Variants in CSF2RA observed in about 807,000 individuals in gnomAD.
CSF2RA encodes the protein granulocyte-macrophage colony-stimulating factor receptor subunit alpha.
CSF2RA carries 42 observed loss-of-function variants against 51.6 expected under a neutral mutation model. The observed-to-expected ratio is 0.81, with a 90% CI of 0.64 to 1.05. The LOEUF (loss-of-function observed/expected upper bound fraction) is 1.05. Among genes scored for constraint, CSF2RA ranks in the 50% least tolerant of loss-of-function variants. CSF2RA has a pLI of 0.00. For missense variants in CSF2RA, 530 were observed against 501.1 expected, an observed-to-expected ratio of 1.06 and a Z score of -0.55; for synonymous variants, 222 against 193.0, an observed-to-expected ratio of 1.15 and a Z score of -1.24.
In CSF2RA at chrX:1,303,848, A is replaced by G. The variant is rs1313260856; in HGVS notation, c.947-75A>G. 4 of 1,247,080 alleles carry G rather than the reference A, an allele frequency of 3.2e-6. No homozygotes were observed. The African/African-American group carries it at 5.9e-5, about 18-fold the overall frequency. 77.3% of individuals were successfully genotyped at this position (1,247,080 alleles called of 1,614,324 possible). A position where few individuals can be genotyped will look rare whatever the true frequency, so the allele number is the denominator to read the frequency against. On this transcript the variant is annotated intron_variant, in intron 10 of 12. Coordinates refer to ENST00000381529, the MANE Select transcript of CSF2RA (RefSeq NM_172245.4). ...TCCCTTTGGCTAAATGCATTTGGAC[A>G]CCCGAAGAGATTTAATTTCCTTTCA...
chrX:1,288,870 T>G lies in CSF2RA; in HGVS notation c.455T>G (p.Leu152Trp), dbSNP rs765269606. ...PTAPRDVQYF[L>W]YIRNSKRRRE... Reference sequence around the variant, plus strand: ...GCCCCCCGTGACGTCCAGTATTTTTTGTACATACGAAACTCAAAGTAAGTG... The same window carrying G: ...GCCCCCCGTGACGTCCAGTATTTTTGGTACATACGAAACTCAAAGTAAGTG... The change falls in exon 6 of 13, where the codon TTG (leucine) becomes TGG (tryptophan). Residue 152 changes from leucine to tryptophan, a missense_variant. Transcript: ENST00000381529. 1 of 1,611,550 alleles carries G rather than the reference T, an allele frequency of 6.2e-7. No individual in the cohort carries two copies. Among genetic ancestry groups the G allele is most frequent in the Non-Finnish European group, 8.5e-7 (1 of 1,179,090 alleles).
the CSF2RA span, among the ~76,000 whole-genome samples, chrX:1,316,045 CAGAT>C: frequency 0.089 from 5,186 of 58,162 alleles, 315 homozygotes; most frequent in African/African-American, 0.22. Context: ...GACCAATAGA[CAGAT>C]AGATAGATCA....
chrX:1,297,787 A>C (rs868616917), intron 9 of CSF2RA, among the ~76,000 whole-genome samples: 1 of 87,602 alleles, frequency 1.1e-5, no homozygotes, highest in Non-Finnish European at 2.3e-5. Flanking sequence ...CCCCGGTGGA[A>C]CCCTACAGTC....
chrX:1,313,530 C>T (rs1320094150), downstream of CSF2RA, among the ~76,000 whole-genome samples: 1 of 137,514 alleles, frequency 7.3e-6, no homozygotes, highest in Non-Finnish European at 1.5e-5. Flanking sequence ...GCCAACATGG[C>T]AAAATCTCGT....
chrX:1,287,045 C>A (rs1434738082), intron 4 of CSF2RA: 1 of 151,554 alleles, frequency 6.6e-6, no homozygotes, highest in Non-Finnish European at 1.5e-5. Context: ...GATTTATTGA[C>A]TGATAGGTGA....
intron 3 of CSF2RA, among the ~76,000 whole-genome samples, chrX:1,284,622 T>C (rs2090426713): frequency 6.8e-6 from 1 of 147,180 alleles, no homozygotes; most frequent in Admixed American, 6.9e-5. Context: ...TTAAATTTTA[T>C]AGACGAGATC....
chrX:1,316,311 C>T, the CSF2RA span, among the ~76,000 whole-genome samples: 4 of 150,658 alleles, frequency 2.7e-5, no homozygotes, highest in East Asian at 2.0e-4. Flanking sequence ...GATAGACAGA[C>T]AGACAGACAG....
the CSF2RA span, among the ~76,000 whole-genome samples, chrX:1,324,759 C>T: frequency 1.3e-5 from 2 of 152,186 alleles, no homozygotes; most frequent in East Asian, 1.9e-4. Flanking sequence ...GTCGGGACCA[C>T]GCAAGATGTG....
intron 7 of CSF2RA, among the ~76,000 whole-genome samples, chrX:1,291,173 C>T (rs1282113379): frequency 6.6e-6 from 1 of 152,128 alleles, no homozygotes; most frequent in African/African-American, 2.4e-5. Context: ...CCACCTGCCT[C>T]AGCCTCCCAA....
chrX:1,285,216 A>C (rs1425316451), intron 3 of CSF2RA, among the ~76,000 whole-genome samples: 1 of 152,020 alleles, frequency 6.6e-6, no homozygotes, highest in Non-Finnish European at 1.5e-5. Flanking sequence ...ATGATTTTTG[A>C]ATATTTCTGC....
At chrX:1,274,998 C>A (rs2088977262) in intron 2 of CSF2RA, among the ~76,000 whole-genome samples, 180 bp downstream of exon 2, 2 of 151,564 alleles carry the variant, frequency 1.3e-5, no homozygotes, top group Non-Finnish European at 2.9e-5. Flanking sequence ...ATGTCACGTT[C>A]CCTCTGAGAC....
intron 10 of CSF2RA, among the ~76,000 whole-genome samples, chrX:1,302,196 G>A (rs28373326): frequency 0.63 from 95,756 of 151,596 alleles, 30,902 homozygotes; most frequent in Non-Finnish European, 0.7. Flanking sequence ...AATGACAGGC[G>A]TGAGCCACCC....
chrX:1,308,694 C>T (rs1450938646), intron 12 of CSF2RA, among the ~76,000 whole-genome samples: 1 of 152,146 alleles, frequency 6.6e-6, no homozygotes, highest in Non-Finnish European at 1.5e-5. Context: ...CCTTCCACCC[C>T]CACGCCAGCC....
At chrX:1,286,322 A>G (rs2090649626) in intron 4 of CSF2RA, among the ~76,000 whole-genome samples, 1 of 150,730 alleles carries the variant, frequency 6.6e-6, no homozygotes, top group Non-Finnish European at 1.5e-5. Context: ...TCATCCCAGC[A>G]CTCTGGGAGG....
At chrX:1,300,126 G>C (rs1447999967) in intron 9 of CSF2RA, 1 of 202,456 alleles carries the variant, frequency 4.9e-6, no homozygotes, top group Non-Finnish European at 1.0e-5. Flanking sequence ...GGCTGAGGCA[G>C]GAGAATGGTG....
intron 3 of CSF2RA, among the ~76,000 whole-genome samples, chrX:1,284,809 T>C (rs57817090): frequency 0.082 from 12,399 of 151,212 alleles, 544 homozygotes; most frequent in South Asian, 0.19. Context: ...GGATTACAGG[T>C]ACCCGCCACC....
chrX:1,285,814 T>G lies in CSF2RA; in HGVS notation c.113T>G (p.Val38Gly). Residue 38 changes from valine to glycine, a missense_variant, in exon 4 of 13, where the codon GTG becomes GGG. By Grantham distance (109) the Val-to-Gly change is moderately radical. Coordinates refer to ENST00000381529, the MANE Select transcript of CSF2RA (RefSeq NM_172245.4). ...RTVAPASSLN[V>G]RFDSRTMNLS... ...GTGGCACCAGCCTCTAGTCTCAATG[T>G]GAGGTTTGACTCCAGGACGATGAAT... is the stretch of plus-strand genomic sequence containing the variant. The G allele has an allele frequency of 6.2e-7, 1 of 1,613,032 alleles. No individual in the cohort carries two copies. The highest frequency in any genetic ancestry group is 8.5e-7 in the Non-Finnish European group (1 of 1,179,760).
At chrX:1,284,933 C>T (rs1168882659) in intron 3 of CSF2RA, among the ~76,000 whole-genome samples, 2 of 152,034 alleles carry the variant, frequency 1.3e-5, no homozygotes, top group Non-Finnish European at 2.9e-5. Context: ...TACCAAAGTG[C>T]TGGGATTGCA....
Position 1,305,515 on chromosome X carries a change from G to A in CSF2RA, c.1113G>A (p.Glu371=). 1.9e-6 allele frequency: 3 copies of A among 1,613,966 alleles called. No individual in the cohort carries two copies. The highest frequency in any genetic ancestry group is 1.1e-5 in the South Asian group (1 of 91,074). ...AAGACAAACTGAATGATAACCATGAGGTGGAAGACGAGGTAGGCAGGGGTG... is the reference window on the plus strand; with the variant it reads ...AAGACAAACTGAATGATAACCATGAAGTGGAAGACGAGGTAGGCAGGGGTG... ...QIKDKLNDNH[E]VEDEIIWEEF... is the part of the protein sequence containing the mutation. The change falls in exon 12 of 13, where the codon GAG becomes GAA. Residue 371 remains glutamate, a synonymous_variant. Coordinates refer to ENST00000381529, the MANE Select transcript of CSF2RA (RefSeq NM_172245.4).
Sources: allele counts gnomAD v4.1 joint callset (sites outside exome capture counted in the v4.1 genomes callset), GRCh38; gene constraint gnomAD v4.1.1; transcripts MANE v1.5; gene names NCBI Gene and HGNC (gene_info 2026-07-23, HGNC 2026-07-21).